The following EXOSC9 variants were observed in gnomAD, a reference collection of about 807,000 sequenced individuals.
EXOSC9 encodes the protein exosome complex component RRP45.
In EXOSC9, 38 loss-of-function variants were observed where a neutral mutation model predicts 56.5. The observed-to-expected ratio is 0.67, with a 90% CI of 0.52 to 0.88. The LOEUF (loss-of-function observed/expected upper bound fraction) is 0.88, where lower values mean the gene tolerates loss of function less well. Ranked by LOEUF, EXOSC9 falls within the 40% of genes least tolerant of loss-of-function variation. The pLI is 0.00. For missense variants in EXOSC9, 559 were observed against 530.5 expected (o/e 1.05, Z -0.53); for synonymous variants, 170 against 170.8 (o/e 0.99, Z 0.04).
chr4:121,813,749 C>T (rs1724344761), intron 9 of EXOSC9, 117 bp from the exon 10 acceptor site: 2 of 716,936 alleles, frequency 2.8e-6, no homozygotes, highest in Admixed American at 3.0e-5. Context: ...GTTTTTTTTC[C>T]CCTAGGAACT....
chr4:121,816,593 T>C, intron 11 of EXOSC9, 146 bp downstream of exon 11: 1 of 821,780 alleles, frequency 1.2e-6, no homozygotes, highest in Non-Finnish European at 1.8e-6. Flanking sequence ...TCTGTGATTT[T>C]TTTACCTTGT....
chr4:121,812,568 G>A lies in EXOSC9; in HGVS notation c.828-666G>A, dbSNP rs180796659. 1.8e-3 allele frequency among the ~76,000 whole-genome samples: 269 copies of A among 152,246 alleles called. 2 individuals carry two copies. The highest frequency in any genetic ancestry group is 5.0e-3 in the African/African-American group (208 of 41,548). On this transcript the variant is annotated intron_variant, in intron 8 of 11. Transcript: ENST00000243498. ...TGCATTTGTGCAATCTCAGCTCACT[G>A]CAGCCTCCGCCTCATGGCTTCAAGT...
At chr4:121,803,207 GTCCCTTCAGAGGACACCCTTTT>G (rs1057374001) in intron 4 of EXOSC9, among the ~76,000 whole-genome samples, 190 bp downstream of exon 4, 2 of 151,996 alleles carry the variant, frequency 1.3e-5, no homozygotes, top group Admixed American at 1.3e-4. Context: ...CAAAAAGGGT[GTCCCTTCAGAGGACACCCTTTT>G]TCTTAAAGGT....
intron 10 of EXOSC9, 29 bp downstream of exon 10, chr4:121,814,076 A>G (rs1724380569): frequency 2.1e-6 from 3 of 1,409,694 alleles, no homozygotes; most frequent in Admixed American, 1.7e-5. Flanking sequence ...CACACTTACT[A>G]TATATTACAT....
chr4:121,809,379 AAAT>A (rs1288431657), intron 6 of EXOSC9, among the ~76,000 whole-genome samples: 1 of 152,190 alleles, frequency 6.6e-6, no homozygotes, highest in African/African-American at 2.4e-5. Context: ...CACGTTAATG[AAAT>A]AAAATGATTA....
At chr4:121,803,300 TA>T (rs1295748631) in intron 4 of EXOSC9, among the ~76,000 whole-genome samples, 2 of 152,122 alleles carry the variant, frequency 1.3e-5, no homozygotes, top group Non-Finnish European at 2.9e-5. Context: ...GATTTTTGTG[TA>T]AAAATATTTT....
At position 121,803,525 on chromosome 4, in the gene EXOSC9, AATTTT is replaced by A. The variant is rs1186298762; in HGVS notation, c.384+524_384+528del. Among the ~76,000 whole-genome samples the A allele has an allele frequency of 2.6e-5, 4 of 152,008 alleles. No homozygotes were observed. The South Asian group carries it at 6.3e-4, about 24-fold the overall frequency. ...AAATTGTGCTGCATTAGGATATTAG[AATTTT>A]ATTTTATTTTATTTTGTTTTATTTT... On this transcript the variant is annotated intron_variant, in intron 4 of 11. Coordinates refer to ENST00000243498, the MANE Select transcript of EXOSC9 (RefSeq NM_005033.3).
Position 121,813,346 on chromosome 4 carries a change from G to A in EXOSC9, c.940G>A (p.Glu314Lys). ...CTCGGATGTAGAAGAAAAAGCAGAA[G>A]AAATCATTGCTGAAGCAGAACCTCC... Reference protein sequence around the residue: ...DTSDVEEKAEEIIAEAEPPSE... With the variant: ...DTSDVEEKAEKIIAEAEPPSE... Residue 314 changes from glutamate to lysine, a missense_variant, in exon 9 of 12, where the codon GAA becomes AAA. Transcript: ENST00000243498. 1 of 1,613,564 alleles carries A rather than the reference G, an allele frequency of 6.2e-7. No homozygotes were observed. The highest frequency in any genetic ancestry group is 8.5e-7 in the Non-Finnish European group (1 of 1,179,776).
Position 121,811,654 on chromosome 4 carries a change from G to C in EXOSC9, c.810G>C (p.Glu270Asp). 1.9e-6 allele frequency: 3 copies of C among 1,566,700 alleles called. No homozygotes were observed. Among genetic ancestry groups the C allele is most frequent in the Non-Finnish European group, 2.6e-6 (3 of 1,155,514 alleles). The change falls in exon 8 of 12, where the codon GAG becomes GAC. Residue 270 changes from glutamate to aspartate, a missense_variant. By Grantham distance (45) the Glu-to-Asp change is conservative. Coordinates refer to ENST00000243498, the MANE Select transcript of EXOSC9 (RefSeq NM_005033.3). ...EITELILKAL[E>D]NDQKVRKEGG... ...CAGAGCTAATATTGAAAGCTTTGGAGAATGACCAAAAAGTAAGGTAAGTAA... is the reference window on the plus strand; with the variant it reads ...CAGAGCTAATATTGAAAGCTTTGGACAATGACCAAAAAGTAAGGTAAGTAA...
rs761154663 is a variant in EXOSC9 at position 121,802,887 on chromosome 4, TTAGCCCATTCC to T, written c.282-25_282-15del. The T allele has an allele frequency of 1.9e-6, 3 of 1,610,524 alleles. No homozygotes were observed. In the Admixed American group the frequency reaches 5.0e-5, roughly 27 times the overall value. ...ATACCTGGTGTTATATTTCATGACATTAGCCCATTCCTATTTTCTCCTTATAGGCAGTCAGA... is the reference window on the plus strand; with the variant it reads ...ATACCTGGTGTTATATTTCATGACATTATTTTCTCCTTATAGGCAGTCAGA... On this transcript the variant is annotated splice_polypyrimidine_tract_variant and intron_variant, in intron 3 of 11. Coordinates refer to ENST00000243498, the MANE Select transcript of EXOSC9 (RefSeq NM_005033.3).
chr4:121,801,595 A>G, intron 1 of EXOSC9, 105 bp downstream of exon 1: 3 of 1,076,454 alleles, frequency 2.8e-6, no homozygotes, highest in Non-Finnish European at 2.9e-6. Flanking sequence ...TAGGGGAACG[A>G]CCGGCACGTT....
At chr4:121,808,205 A>G (rs1026984681) in intron 6 of EXOSC9, among the ~76,000 whole-genome samples, 4 of 152,224 alleles carry the variant, frequency 2.6e-5, no homozygotes, top group African/African-American at 7.2e-5. Context: ...TCCTTTAGAA[A>G]CAAGGGAAGA....
intron 5 of EXOSC9, among the ~76,000 whole-genome samples, chr4:121,806,846 AG>A (rs960881137): frequency 3.9e-5 from 6 of 152,202 alleles, no homozygotes; most frequent in African/African-American, 1.4e-4. Flanking sequence ...CCTTGGGGCT[AG>A]GGTGGGAGTA....
At position 121,813,292 on chromosome 4, in the gene EXOSC9, T is replaced by G; in HGVS notation, c.886T>G (p.Phe296Val). ...TATAGCAAATCAAAGGATCACAGCATTTAAAATGGAAAAGGCCCCTATTGA... is the reference window on the plus strand; with the variant it reads ...TATAGCAAATCAAAGGATCACAGCAGTTAAAATGGAAAAGGCCCCTATTGA... ...ESIANQRITA[F>V]KMEKAPIDTS... Residue 296 changes from phenylalanine to valine, a missense_variant, in exon 9 of 12, where the codon TTT becomes GTT. Transcript: ENST00000243498. The G allele has an allele frequency of 6.2e-7, 1 of 1,613,900 alleles. No homozygotes were observed. Among genetic ancestry groups the G allele is most frequent in the Non-Finnish European group, 8.5e-7 (1 of 1,179,832 alleles).
In EXOSC9 at chr4:121,801,394, C is replaced by G. The variant is rs769744958; in HGVS notation, c.-31C>G. The G allele has an allele frequency of 6.2e-7, 1 of 1,607,714 alleles. No homozygotes were observed. Among genetic ancestry groups the G allele is most frequent in the Non-Finnish European group, 8.5e-7 (1 of 1,174,124 alleles). ...TCGGGTTCCGTTTTTCCCGCGGATT[C>G]TGGTGCCTGTGGGGCCGGTGACCCA... On this transcript the variant is annotated 5_prime_UTR_variant, in exon 1 of 12. Coordinates refer to ENST00000243498, the MANE Select transcript of EXOSC9 (RefSeq NM_005033.3).
At chr4:121,809,798 A>C in intron 6 of EXOSC9, 169 bp from the exon 7 acceptor site, 1 of 650,676 alleles carries the variant, frequency 1.5e-6, no homozygotes, top group Non-Finnish European at 2.7e-6. Context: ...TGTGTTCATA[A>C]ACACAATAAT....
rs1219157639 is a variant in EXOSC9 at position 121,814,165 on chromosome 4, A to T, written c.1156+118A>T. ...TTATATTATCACTGTATATAGTAATATATAGCATATTAGCTATATAGAGAT... is the reference window on the plus strand; with the variant it reads ...TTATATTATCACTGTATATAGTAATTTATAGCATATTAGCTATATAGAGAT... On this transcript the variant is annotated intron_variant, in intron 10 of 11. Transcript: ENST00000243498. 1.6e-5 allele frequency: 10 copies of T among 619,974 alleles called. No individual in the cohort carries two copies. In the East Asian group the frequency reaches 2.8e-4, roughly 17 times the overall value. The allele number at this position is 619,974 out of a possible 1,614,324, so 38.4% of individuals were successfully genotyped here.
In EXOSC9 at chr4:121,801,411, G is replaced by T; in HGVS notation, c.-14G>T. ...CGCGGATTCTGGTGCCTGTGGGGCC[G>T]GTGACCCAACACCATGAAGGAAACG... On this transcript the variant is annotated 5_prime_UTR_variant, in exon 1 of 12. Transcript: ENST00000243498. The T allele has an allele frequency of 6.2e-7, 1 of 1,612,922 alleles. No homozygotes were observed. The highest frequency in any genetic ancestry group is 2.2e-5 in the East Asian group (1 of 44,866).
At chr4:121,813,445 T>C in intron 9 of EXOSC9, 65 bp downstream of exon 9, 1 of 1,407,542 alleles carries the variant, frequency 7.1e-7, no homozygotes, top group Non-Finnish European at 9.9e-7. Context: ...AATATTAGGC[T>C]ATATGAAGGA....
Sources: gnomAD v4.1 joint callset for allele counts (sites outside exome capture counted in the v4.1 genomes callset) on GRCh38, gnomAD v4.1.1 for gene constraint, MANE v1.5 for transcripts, NCBI Gene and HGNC (gene_info 2026-07-23, HGNC 2026-07-21) for gene names.